Variants in PLD5 observed in about 807,000 individuals in gnomAD.
PLD5 encodes the protein phospholipase D family member 5, also known as inactive phospholipase D5.
In PLD5, 36 loss-of-function variants were observed where a neutral mutation model predicts 61.1. The ratio of observed to expected loss-of-function variants is 0.59; its 90% confidence interval spans 0.45 to 0.78. The LOEUF (loss-of-function observed/expected upper bound fraction) is 0.78. Among genes scored for constraint, PLD5 ranks in the 30% least tolerant of loss-of-function variants. The pLI is 0.00. For synonymous variants in PLD5, 243 were observed against 242.8 expected, an observed-to-expected ratio of 1.00 and a Z score of -0.01; for missense variants, 515 against 644.4, an observed-to-expected ratio of 0.80 and a Z score of 2.17.
chr1:242,158,790 C>T (rs1409333182), intron 5 of PLD5, among the ~76,000 whole-genome samples: 2 of 152,044 alleles, frequency 1.3e-5, no homozygotes, highest in Admixed American at 6.5e-5. Flanking sequence ...CCTATTTTTT[C>T]TTTGTCCTTT....
chr1:242,149,961 T>A (rs1245855483), intron 5 of PLD5, among the ~76,000 whole-genome samples: 1 of 151,858 alleles, frequency 6.6e-6, no homozygotes, highest in East Asian at 1.9e-4. Context: ...CATCCTAACA[T>A]AAGCATCTTG....
chr1:242,219,660 C>T (rs1013741947), intron 5 of PLD5, among the ~76,000 whole-genome samples: 2 of 152,056 alleles, frequency 1.3e-5, no homozygotes, highest in Non-Finnish European at 1.5e-5. Flanking sequence ...TTTGTGTTTC[C>T]CCCTGTCTCA....
intron 1 of PLD5, among the ~76,000 whole-genome samples, chr1:242,465,680 G>T (rs2102942711): frequency 6.6e-6 from 1 of 152,306 alleles, no homozygotes; most frequent in South Asian, 2.1e-4. Context: ...TGTAATCCCA[G>T]CACTTTGGGA....
rs967938870 is a variant in PLD5 at position 242,124,469 on chromosome 1, G to A, written c.932C>T (p.Ser311Leu). Reference sequence around the variant, plus strand: ...GAGGAGAAAGGGAAAACAACTCACCGATACAAATGCTTGAGATTTGGTTTC... The same window carrying A: ...GAGGAGAAAGGGAAAACAACTCACCAATACAAATGCTTGAGATTTGGTTTC... ...LNETKSQAFV[S>L]NSPKLFCPKN... Residue 311 changes from serine (S) to leucine (L), a missense_variant and splice_region_variant, in exon 6 of 10, where the codon TCG becomes TTG. Physicochemically the swap from Ser to Leu is moderately radical, Grantham distance 145. This residue lies in a region of PLD5 where 450 missense variants were observed against 598.1 expected (regional missense o/e 0.75). Transcript: ENST00000536534. 5 of 1,612,812 alleles carry A rather than the reference G, an allele frequency of 3.1e-6. No homozygotes were observed. Among genetic ancestry groups the A allele is most frequent in the African/African-American group, 1.3e-5 (1 of 74,860 alleles).
chr1:242,475,131 G>C (rs971131713), intron 1 of PLD5, among the ~76,000 whole-genome samples: 5 of 152,240 alleles, frequency 3.3e-5, no homozygotes, highest in African/African-American at 1.2e-4. Flanking sequence ...AAATAAGAGA[G>C]AGACTCATCT....
At chr1:242,166,037 T>TA (rs2148861778) in intron 5 of PLD5, among the ~76,000 whole-genome samples, 1 of 152,274 alleles carries the variant, frequency 6.6e-6, no homozygotes, top group South Asian at 2.1e-4. Flanking sequence ...GATCCGTAAG[T>TA]AAAAATCTTT....
intron 8 of PLD5, among the ~76,000 whole-genome samples, chr1:242,104,297 C>CTTTTTT (rs368132707): frequency 7.7e-6 from 1 of 129,572 alleles, no homozygotes; most frequent in South Asian, 2.5e-4. Context: ...CTAGTTTTTG[C>CTTTTTT]TTTTTTTTTT....
intron 1 of PLD5, among the ~76,000 whole-genome samples, chr1:242,392,541 G>A (rs1005030885): frequency 2.0e-5 from 3 of 152,222 alleles, no homozygotes; most frequent in Admixed American, 6.5e-5. Context: ...TCTGTCTGCA[G>A]TGAGAATCCG....
intron 2 of PLD5, among the ~76,000 whole-genome samples, chr1:242,321,959 C>T (rs1472600495): frequency 2.0e-5 from 3 of 152,150 alleles, no homozygotes; most frequent in Non-Finnish European, 4.4e-5. Context: ...CAAAAAGAAA[C>T]CCTGCTCATC....
chr1:242,170,617 G>A (rs1666676530), intron 5 of PLD5, among the ~76,000 whole-genome samples: 1 of 152,154 alleles, frequency 6.6e-6, no homozygotes, highest in Admixed American at 6.5e-5. Context: ...CTGAGCTAAA[G>A]GAGCATGTTC....
At chr1:242,224,388 G>A (rs926534539) in intron 4 of PLD5, among the ~76,000 whole-genome samples, 3 of 151,554 alleles carry the variant, frequency 2.0e-5, no homozygotes, top group Non-Finnish European at 4.4e-5. Flanking sequence ...AAAATATATA[G>A]AATGCCACAA....
At chr1:242,139,975 AC>A (rs1664037880) in intron 5 of PLD5, among the ~76,000 whole-genome samples, 1 of 152,192 alleles carries the variant, frequency 6.6e-6, no homozygotes, top group African/African-American at 2.4e-5. Flanking sequence ...ATCTCTTGCA[AC>A]TAGGAAAAGT....
At chr1:242,233,186 G>GAAT (rs1671420325) in intron 4 of PLD5, among the ~76,000 whole-genome samples, 1 of 152,004 alleles carries the variant, frequency 6.6e-6, no homozygotes. Context: ...ATGAATGAAT[G>GAAT]AATGAAATAA....
Position 242,253,560 on chromosome 1 carries a change from G to A in PLD5, c.607+11777C>T, listed in dbSNP as rs535197489. 1.1e-4 allele frequency among the ~76,000 whole-genome samples: 16 copies of A among 151,864 alleles called. No individual in the cohort carries two copies. The East Asian group carries it at 1.9e-3, about 18-fold the overall frequency. On this transcript the variant is annotated intron_variant, in intron 4 of 9. Coordinates refer to ENST00000536534, the MANE Select transcript of PLD5 (RefSeq NM_001372062.1). ...GATCTCCTGACCTCGTGATCTGCCC[G>A]CCTCGGTCTCCCAAAGTGCTGGGAT...
chr1:242,175,954 A>G (rs316876), intron 5 of PLD5, among the ~76,000 whole-genome samples: 78,117 of 151,990 alleles, frequency 0.51, 20,943 homozygotes, highest in East Asian at 0.74. Context: ...ACAAATGGAA[A>G]AACATCCCAT....
intron 4 of PLD5, among the ~76,000 whole-genome samples, chr1:242,237,632 A>G (rs1421017689): frequency 1.3e-5 from 2 of 152,210 alleles, no homozygotes; most frequent in Non-Finnish European, 2.9e-5. Flanking sequence ...ATAGTCCCTC[A>G]GTGCCCTTGC....
In PLD5 at chr1:242,288,549, A is replaced by T; in HGVS notation, c.327-19T>A. The T allele has an allele frequency of 6.3e-7, 1 of 1,591,146 alleles. No homozygotes were observed. ...GGCAATTCTTAGAAAAGATTTTGAA[A>T]AACAAACAAACAAAATCTAGTCAAA... On this transcript the variant is annotated intron_variant, in intron 2 of 9. Transcript: ENST00000536534.
chr1:242,455,066 G>A (rs532124462), intron 1 of PLD5, among the ~76,000 whole-genome samples: 64 of 152,296 alleles, frequency 4.2e-4, no homozygotes, highest in Non-Finnish European at 7.6e-4. Flanking sequence ...CCTCCCAGCA[G>A]AAACGAATGT....
At chr1:242,123,334 C>G (rs1000708026) in intron 6 of PLD5, among the ~76,000 whole-genome samples, 2 of 152,140 alleles carry the variant, frequency 1.3e-5, no homozygotes, top group African/African-American at 4.8e-5. Flanking sequence ...CAAATGTGAG[C>G]TATACATACA....
Sources: gnomAD v4.1 joint callset for allele counts (sites outside exome capture counted in the v4.1 genomes callset) on GRCh38, gnomAD v4.1.1 for gene constraint, gnomAD v4.1.1 regional missense constraint, MANE v1.5 for transcripts, NCBI Gene and HGNC (gene_info 2026-07-23, HGNC 2026-07-21) for gene names.